Variants in COL25A1 observed in about 807,000 individuals in gnomAD.
COL25A1 encodes the protein collagen type XXV alpha 1 chain.
A neutral mutation model predicts 128.4 loss-of-function variants in COL25A1; 103 were observed. That is an observed-to-expected ratio of 0.80 (90% confidence interval 0.68 to 0.94). The LOEUF is 0.94. COL25A1 is among the 40% of genes least tolerant of loss of function. The pLI is 0.00. For synonymous variants in COL25A1, 279 were observed against 277.2 expected (o/e 1.01, Z -0.06); for missense variants, 745 against 840.0 (o/e 0.89, Z 1.40).
At chr4:108,864,638 T>G (rs1737665178) in intron 20 of COL25A1, among the ~76,000 whole-genome samples, 1 of 152,202 alleles carries the variant, frequency 6.6e-6, no homozygotes. Flanking sequence ...TGTAAGGCCC[T>G]ATGTGACAGA....
intron 11 of COL25A1, among the ~76,000 whole-genome samples, chr4:108,937,512 C>T (rs1362113623): frequency 6.6e-6 from 1 of 152,024 alleles, no homozygotes; most frequent in East Asian, 1.9e-4. Flanking sequence ...AATAGGCATG[C>T]CCCTAAATTT....
intron 3 of COL25A1, among the ~76,000 whole-genome samples, chr4:109,056,390 G>A (rs916469231): frequency 6.6e-6 from 1 of 152,012 alleles, no homozygotes; most frequent in Non-Finnish European, 1.5e-5. Flanking sequence ...ACAATATACT[G>A]TTCCCCTAAA....
intron 3 of COL25A1, among the ~76,000 whole-genome samples, chr4:109,243,365 C>A (rs935796911): frequency 1.3e-5 from 2 of 151,762 alleles, no homozygotes; most frequent in Admixed American, 6.6e-5. Context: ...ATGAGAGGGG[C>A]CTTTGGAACA....
At chr4:109,041,726 A>G (rs79798616) in intron 5 of COL25A1, among the ~76,000 whole-genome samples, 3,626 of 152,020 alleles carry the variant, frequency 0.024, 140 homozygotes, top group African/African-American at 0.083. Context: ...AGAATTCTAA[A>G]CTTCCAATAA....
At chr4:109,130,190 T>G (rs1170264216) in intron 3 of COL25A1, among the ~76,000 whole-genome samples, 1 of 152,080 alleles carries the variant, frequency 6.6e-6, no homozygotes, top group African/African-American at 2.4e-5. Flanking sequence ...TAGGCCATAC[T>G]GATGAGGATG....
chr4:109,174,230 C>T (rs997528247), intron 3 of COL25A1, among the ~76,000 whole-genome samples: 6 of 152,064 alleles, frequency 3.9e-5, no homozygotes, highest in African/African-American at 1.2e-4. Flanking sequence ...AAGTAGCAAC[C>T]GTGGTGTAAG....
intron 5 of COL25A1, among the ~76,000 whole-genome samples, chr4:109,022,836 G>A (rs1027874927): frequency 6.6e-6 from 1 of 152,146 alleles, no homozygotes; most frequent in African/African-American, 2.4e-5. Flanking sequence ...TTCAAAGGCT[G>A]TGTAACACTG....
chr4:108,912,403 A>T (rs1744339053), intron 13 of COL25A1, among the ~76,000 whole-genome samples: 1 of 152,194 alleles, frequency 6.6e-6, no homozygotes, highest in Non-Finnish European at 1.5e-5. Flanking sequence ...CACAAAAAAG[A>T]TTGAATGGTT....
intron 13 of COL25A1, 111 bp downstream of exon 13, chr4:108,918,061 T>TA (rs1006701884): frequency 2.0e-6 from 1 of 507,234 alleles, no homozygotes; most frequent in Non-Finnish European, 3.4e-6. Context: ...TTTCAAAACA[T>TA]AGTGTTTTTA....
intron 6 of COL25A1, among the ~76,000 whole-genome samples, chr4:108,995,335 T>C (rs1253877721): frequency 6.6e-6 from 1 of 152,160 alleles, no homozygotes; most frequent in Non-Finnish European, 1.5e-5. Flanking sequence ...CAAGCTTCAA[T>C]AGTCGATTCA....
At chr4:109,150,199 G>A (rs1178752090) in intron 3 of COL25A1, among the ~76,000 whole-genome samples, 1 of 152,020 alleles carries the variant, frequency 6.6e-6, no homozygotes, top group Non-Finnish European at 1.5e-5. Context: ...AAATCAAATA[G>A]GCCATCAAAT....
intron 17 of COL25A1, 53 bp downstream of exon 17, chr4:108,889,647 TA>T: frequency 1.3e-6 from 2 of 1,530,100 alleles, no homozygotes; most frequent in Admixed American, 1.7e-5. Context: ...TAGAGGCCTA[TA>T]AAAATCAGAA....
chr4:108,860,453 T>C (rs1737064839), intron 23 of COL25A1, among the ~76,000 whole-genome samples: 1 of 152,068 alleles, frequency 6.6e-6, no homozygotes, highest in Non-Finnish European at 1.5e-5. Context: ...CCATCAGGAA[T>C]GAATGCCACA....
intron 6 of COL25A1, among the ~76,000 whole-genome samples, chr4:109,002,304 T>C (rs941688559): frequency 2.0e-5 from 3 of 152,192 alleles, no homozygotes; most frequent in African/African-American, 7.2e-5. Context: ...AGATATGGAA[T>C]CAACCTAAAT....
intron 3 of COL25A1, among the ~76,000 whole-genome samples, chr4:109,129,693 G>C (rs1046868863): frequency 6.6e-6 from 1 of 152,048 alleles, no homozygotes; most frequent in African/African-American, 2.4e-5. Context: ...CTATTCCTTC[G>C]ACAGATGTTA....
intron 6 of COL25A1, among the ~76,000 whole-genome samples, chr4:108,992,691 C>G (rs1290136256): frequency 6.6e-6 from 1 of 152,124 alleles, no homozygotes; most frequent in African/African-American, 2.4e-5. Flanking sequence ...TATCCACACT[C>G]CAAACCATGT....
At chr4:109,100,777 T>C (rs1266016724) in intron 3 of COL25A1, among the ~76,000 whole-genome samples, 1 of 152,130 alleles carries the variant, frequency 6.6e-6, no homozygotes, top group East Asian at 1.9e-4. Context: ...TTTTACAGGG[T>C]TCATAGCTGG....
intron 6 of COL25A1, among the ~76,000 whole-genome samples, chr4:108,983,591 G>A (rs565235739): frequency 6.6e-6 from 1 of 152,114 alleles, no homozygotes; most frequent in South Asian, 2.1e-4. Flanking sequence ...ATGAAGCCGC[G>A]GACCCTCGCA....
chr4:109,033,088 A>G (rs1051137002), intron 5 of COL25A1, among the ~76,000 whole-genome samples: 2 of 152,246 alleles, frequency 1.3e-5, no homozygotes, highest in African/African-American at 4.8e-5. Context: ...TGCTAAAGCA[A>G]TCTTTTGAAA....
Sources: allele counts gnomAD v4.1 joint callset (sites outside exome capture counted in the v4.1 genomes callset), GRCh38; gene constraint gnomAD v4.1.1; transcripts MANE v1.5; gene names NCBI Gene and HGNC (gene_info 2026-07-23, HGNC 2026-07-21).